Variants in MYCBP observed in about 807,000 individuals in gnomAD.
MYCBP encodes MYC binding protein.
Under a neutral mutation model 16.8 loss-of-function variants are expected in MYCBP, and 5 were observed. The ratio of observed to expected loss-of-function variants is 0.30; its 90% CI spans 0.16 to 0.63. MYCBP has a LOEUF of 0.63. Among genes scored for constraint, MYCBP ranks in the 20% least tolerant of loss-of-function variants. The probability of loss-of-function intolerance (pLI) is 0.83; values close to 1 mark genes in which losing one functional copy is unlikely to be tolerated. For missense variants in MYCBP, 103 were observed against 121.8 expected (o/e 0.85, Z 0.73); for synonymous variants, 35 against 43.7 (o/e 0.80, Z 0.79).
At chr1:38,866,438 A>G (rs1642340697) in intron 4 of MYCBP, among the ~76,000 whole-genome samples, 1 of 142,862 alleles carries the variant, frequency 7.0e-6, no homozygotes, top group Admixed American at 7.1e-5. Flanking sequence ...ACCCCCCTAG[A>G]TGAAGTCTTG....
At chr1:38,866,010 T>C (rs1642326534) in intron 4 of MYCBP, among the ~76,000 whole-genome samples, 1 of 150,476 alleles carries the variant, frequency 6.6e-6, no homozygotes, top group Non-Finnish European at 1.5e-5. Context: ...ACCAATATTC[T>C]CATCCTTTTA....
chr1:38,869,079 TG>T (rs1167501454), intron 2 of MYCBP, among the ~76,000 whole-genome samples: 3 of 151,484 alleles, frequency 2.0e-5, no homozygotes, highest in African/African-American at 7.3e-5. Flanking sequence ...GAAATTCATT[TG>T]GTTTTTTTTT....
rs534851386 is a variant in MYCBP at position 38,873,222 on chromosome 1, C to A, written c.15+69G>T. 6.3e-6 allele frequency: 10 copies of A among 1,584,058 alleles called. No individual in the cohort carries two copies. In the Admixed American group the frequency reaches 8.8e-5, roughly 14 times the overall value. The stretch of plus-strand genomic sequence containing the variant: ...GCCCAAACCTGCGCGCGCGACCCCA[C>A]TCCCACCCAGAGCCGACCAGCGGCT... On this transcript the variant is annotated intron_variant, in intron 1 of 4. Coordinates refer to ENST00000397572, the MANE Select transcript of MYCBP (RefSeq NM_012333.5).
intron 2 of MYCBP, among the ~76,000 whole-genome samples, chr1:38,870,121 G>C (rs557289266): frequency 7.2e-6 from 1 of 139,494 alleles, no homozygotes; most frequent in South Asian, 2.2e-4. Context: ...AGTGAGCAGA[G>C]ATCGCACCAC....
At position 38,864,462 on chromosome 1, in the gene MYCBP, A is replaced by T. The variant is rs951154983; in HGVS notation, c.*208T>A. 6.3e-5 allele frequency: 37 copies of T among 590,826 alleles called. No individual in the cohort carries two copies. In the African/African-American group the frequency reaches 6.4e-4, roughly 10 times the overall value. The allele number at this position is 590,826 out of a possible 1,614,324, so 36.6% of individuals were successfully genotyped here. ...TGGCTGTGTTTAGGTTTTGTTCAGG[A>T]TTTACTTTGGATTCTCCTGCTTTAA... On this transcript the variant is annotated 3_prime_UTR_variant, in exon 5 of 5. Coordinates refer to ENST00000397572, the MANE Select transcript of MYCBP (RefSeq NM_012333.5).
rs576648999 is a variant in MYCBP at position 38,863,054 on chromosome 1, T to A, written c.*1616A>T. 6.6e-6 allele frequency: 1 copy of A among 152,342 alleles called. No homozygotes were observed. The highest frequency in any genetic ancestry group is 1.5e-5 in the Non-Finnish European group (1 of 68,034). The allele number at this position is 152,342 out of a possible 1,614,324, so 9.4% of individuals were successfully genotyped here. Reference sequence around the variant, plus strand: ...CTGTATTTGATTATATACAGTCTCATAATTAAGTCATTCCTCTTTATCACA... The same window carrying A: ...CTGTATTTGATTATATACAGTCTCAAAATTAAGTCATTCCTCTTTATCACA... On this transcript the variant is annotated 3_prime_UTR_variant, in exon 5 of 5. Coordinates refer to ENST00000397572, the MANE Select transcript of MYCBP (RefSeq NM_012333.5).
rs1642286465 is a variant in MYCBP, at chr1:38,863,921, A to T, written c.*749T>A. 1 of 152,460 alleles carries T rather than the reference A, an allele frequency of 6.6e-6. No homozygotes were observed. The highest frequency in any genetic ancestry group is 2.1e-4 in the South Asian group (1 of 4,826). 9.4% of individuals were successfully genotyped at this position (152,460 alleles called of 1,614,324 possible). A position where few individuals can be genotyped will look rare whatever the true frequency, so the allele number is the denominator to read the frequency against. The stretch of plus-strand genomic sequence containing the variant: ...TGCCTCTGTCCTGTGCTCAGTAAGC[A>T]AATAAGGCAGGCAGGGGGTACAGTG... On this transcript the variant is annotated 3_prime_UTR_variant, in exon 5 of 5. Transcript: ENST00000397572.
chr1:38,865,393 T>C (rs1642314455), intron 4 of MYCBP, among the ~76,000 whole-genome samples: 1 of 152,202 alleles, frequency 6.6e-6, no homozygotes, highest in Admixed American at 6.5e-5. Context: ...AAATATATTA[T>C]GAGAAATACT....
At chr1:38,869,081 G>GTTT (rs959925576) in intron 2 of MYCBP, among the ~76,000 whole-genome samples, 2 of 139,034 alleles carry the variant, frequency 1.4e-5, no homozygotes, top group Admixed American at 7.2e-5. Context: ...AATTCATTTG[G>GTTT]TTTTTTTTTT....
intron 2 of MYCBP, among the ~76,000 whole-genome samples, chr1:38,869,746 T>C (rs982142393): frequency 6.6e-6 from 1 of 151,974 alleles, no homozygotes; most frequent in Admixed American, 6.6e-5. Flanking sequence ...ATCTTGGAAA[T>C]AAGCTGTAAA....
At chr1:38,869,885 T>C (rs1031933510) in intron 2 of MYCBP, among the ~76,000 whole-genome samples, 2 of 149,412 alleles carry the variant, frequency 1.3e-5, no homozygotes, top group Admixed American at 6.7e-5. Flanking sequence ...AAAAAAAAAA[T>C]TGGCCAGGCA....
chr1:38,867,965 A>G (rs1269464265), intron 2 of MYCBP, among the ~76,000 whole-genome samples: 1 of 152,260 alleles, frequency 6.6e-6, no homozygotes, highest in African/African-American at 2.4e-5. Flanking sequence ...GGGAAGGCCC[A>G]GGAGCAAGAA....
intron 2 of MYCBP, among the ~76,000 whole-genome samples, chr1:38,870,653 C>T (rs192390227): frequency 0.018 from 2,738 of 149,414 alleles, 92 homozygotes; most frequent in African/African-American, 0.064. Context: ...ATTAGCCGGG[C>T]GCGGTGGCGG....
intron 2 of MYCBP, among the ~76,000 whole-genome samples, chr1:38,870,564 C>T (rs35162960): frequency 0.065 from 9,757 of 149,848 alleles, 373 homozygotes; most frequent in Middle Eastern, 0.17. Flanking sequence ...GAGGCCGAGG[C>T]GGGTGGATCA....
chr1:38,870,783 G>A (rs1421051400), intron 2 of MYCBP, among the ~76,000 whole-genome samples: 1 of 104,118 alleles, frequency 9.6e-6, no homozygotes, highest in African/African-American at 3.7e-5. Flanking sequence ...CTGGGCGACA[G>A]AGCGAGACTC....
Position 38,866,914 on chromosome 1 carries a change from G to T in MYCBP, c.233C>A (p.Ala78Asp). 1 of 1,578,146 alleles carries T rather than the reference G, an allele frequency of 6.3e-7. No individual in the cohort carries two copies. The highest frequency in any genetic ancestry group is 8.6e-7 in the Non-Finnish European group (1 of 1,163,482). The change falls in exon 4 of 5, where the codon GCT becomes GAT. Residue 78 changes from alanine to aspartate, a missense_variant. Ala to Asp is a moderately radical substitution (Grantham distance 126). Coordinates refer to ENST00000397572, the MANE Select transcript of MYCBP (RefSeq NM_012333.5). ...CAGTTTTTTATTTTCTTCTACAATA[G>T]CTTCATACTTCTCTTTCATTTCGGC... is the stretch of plus-strand genomic sequence containing the variant. Reference protein sequence around the residue: ...ELAEMKEKYEAIVEENKKLKA... With the variant: ...ELAEMKEKYEDIVEENKKLKA...
chr1:38,862,590 A>G lies in MYCBP; in HGVS notation c.*2080T>C, dbSNP rs903579771. Among the ~76,000 whole-genome samples the G allele has an allele frequency of 6.6e-6, 1 of 152,242 alleles. No individual in the cohort carries two copies. Among genetic ancestry groups the G allele is most frequent in the African/African-American group, 2.4e-5 (1 of 41,454 alleles). On this transcript the variant is annotated 3_prime_UTR_variant, in exon 5 of 5. Transcript: ENST00000397572. ...TTATAGACAAAGCAGCTGAAGCATA[A>G]TAGGAGCTTAACTGGTGGGATCCAT...
At chr1:38,868,787 T>C (rs1331448054) in intron 2 of MYCBP, among the ~76,000 whole-genome samples, 1 of 151,952 alleles carries the variant, frequency 6.6e-6, no homozygotes, top group Non-Finnish European at 1.5e-5. Context: ...GCGGCTGTAG[T>C]CCCAGCTACT....
chr1:38,864,770 A>T, intron 4 of MYCBP, 56 bp from the exon 5 acceptor site: 2 of 1,526,218 alleles, frequency 1.3e-6, no homozygotes, highest in Non-Finnish European at 1.8e-6. Context: ...TGAGTAAAAA[A>T]TAGTAAAACA....
Sources: gnomAD v4.1 joint callset for allele counts (sites outside exome capture counted in the v4.1 genomes callset) on GRCh38, gnomAD v4.1.1 for gene constraint, MANE v1.5 for transcripts, NCBI Gene and HGNC (gene_info 2026-07-23, HGNC 2026-07-21) for gene names.